Variants in MATR3 observed in about 807,000 individuals in gnomAD.
MATR3 encodes matrin-3.
Under a neutral mutation model 85.5 loss-of-function variants are expected in MATR3, and 4 were observed. The ratio of observed to expected loss-of-function variants is 0.05; its 90% CI spans 0.02 to 0.11. MATR3 has a LOEUF of 0.11. Among genes scored for constraint, MATR3 ranks in the 10% least tolerant of loss-of-function variants. The pLI is 1.00. For missense variants in MATR3, 685 were observed against 1,016.1 expected, an observed-to-expected ratio of 0.67 and a Z score of 4.43; for synonymous variants, 336 against 343.1, an observed-to-expected ratio of 0.98 and a Z score of 0.23.
In MATR3 at chr5:139,331,148, C is replaced by A. The variant is rs1265230611; in HGVS notation, c.*1753C>A. The A allele has an allele frequency of 2.2e-6, 1 of 453,966 alleles. No individual in the cohort carries two copies. The highest frequency in any genetic ancestry group is 4.4e-6 in the Non-Finnish European group (1 of 226,778). The allele number at this position is 453,966 out of a possible 1,614,324, so 28.1% of individuals were successfully genotyped here. On this transcript the variant is annotated 3_prime_UTR_variant, in exon 15 of 15. Transcript: ENST00000394805. ...CAAAAACAGGATAGGCATTGTCTTT[C>A]AAATGTTCAGACCCCAGTTTATTAA... is the stretch of plus-strand genomic sequence containing the variant.
chr5:139,275,248 C>T (rs562232017), intron 1 of MATR3, among the ~76,000 whole-genome samples: 1 of 148,644 alleles, frequency 6.7e-6, no homozygotes, highest in Non-Finnish European at 1.5e-5. Context: ...CCGCCAGCCT[C>T]AGCCTCCCAA....
intron 3 of MATR3, among the ~76,000 whole-genome samples, chr5:139,284,350 T>C (rs1753635329): frequency 1.3e-5 from 2 of 152,146 alleles, no homozygotes; most frequent in Admixed American, 1.3e-4. Context: ...CGGTTGCCTA[T>C]AATCCCAACA....
At chr5:139,280,984 T>G (rs1394881403) in intron 3 of MATR3, among the ~76,000 whole-genome samples, 1 of 151,572 alleles carries the variant, frequency 6.6e-6, no homozygotes, top group Non-Finnish European at 1.5e-5. Flanking sequence ...CAAAGAAATA[T>G]ATTTCCTGGT....
intron 3 of MATR3, among the ~76,000 whole-genome samples, chr5:139,286,310 C>G (rs1489632268): frequency 1.3e-5 from 2 of 151,958 alleles, no homozygotes; most frequent in Non-Finnish European, 2.9e-5. Flanking sequence ...TTGTCTCTAG[C>G]TGCAAGATCA....
At chr5:139,305,159 G>C (rs1362564944) in intron 1 of MATR3, among the ~76,000 whole-genome samples, 1 of 152,106 alleles carries the variant, frequency 6.6e-6, no homozygotes, top group Non-Finnish European at 1.5e-5. Flanking sequence ...GTTGTCATGG[G>C]ATTTACATTG....
At position 139,316,214 on chromosome 5, in the gene MATR3, T is replaced by C. The variant is rs184138371; in HGVS notation, c.1129+26T>C. 2.2e-5 allele frequency: 34 copies of C among 1,520,746 alleles called. No homozygotes were observed. In the East Asian group the frequency reaches 7.2e-4, roughly 32 times the overall value. The allele number at this position is 1,520,746 out of a possible 1,614,324, so 94.2% of individuals were successfully genotyped here. ...GTAATTATATAAAATTCATGTTACT[T>C]TTCCCTACAGAGCCGTTACTGAAAA... On this transcript the variant is annotated intron_variant, in intron 5 of 14. Coordinates refer to ENST00000394805, the MANE Select transcript of MATR3 (RefSeq NM_018834.6).
At chr5:139,298,396 AC>A (rs1309596359) in intron 1 of MATR3, among the ~76,000 whole-genome samples, 1 of 151,904 alleles carries the variant, frequency 6.6e-6, no homozygotes, top group Non-Finnish European at 1.5e-5. Flanking sequence ...CATACGGAAA[AC>A]CCCGTCTCTA....
chr5:139,318,879 CAG>C (rs760246185), intron 7 of MATR3, 27 bp from the exon 8 acceptor site: 10 of 1,612,710 alleles, frequency 6.2e-6, no homozygotes, highest in Admixed American at 5.0e-5. Flanking sequence ...TTGGAAAAAA[CAG>C]AGAAATAACT....
In MATR3 at chr5:139,315,754, T is replaced by A; in HGVS notation, c.1016+16T>A. On this transcript the variant is annotated intron_variant, in intron 4 of 14. Transcript: ENST00000394805. ...GACACACAATGTAAGTTAAATTTTT[T>A]AAGCTACCATTTGTAAAGGAGATCA... is the stretch of plus-strand genomic sequence containing the variant. 1 of 1,588,732 alleles carries A rather than the reference T, an allele frequency of 6.3e-7. No individual in the cohort carries two copies. Among genetic ancestry groups the A allele is most frequent in the African/African-American group, 1.3e-5 (1 of 74,546 alleles).
chr5:139,279,550 C>T, intron 3 of MATR3: 1 of 179,402 alleles, frequency 5.6e-6, no homozygotes, highest in Non-Finnish European at 1.2e-5. Flanking sequence ...GTCTCCCAGG[C>T]TGGAGTGCAA....
At chr5:139,293,678 T>G, upstream of MATR3, 22 of 256,978 alleles carry the variant, frequency 8.6e-5, no homozygotes, top group Admixed American at 1.1e-4. Context: ...GAGAGTGGGT[T>G]TGTTCTTGGG....
At chr5:139,276,389 CT>C in intron 2 of MATR3, 1 of 354,658 alleles carries the variant, frequency 2.8e-6, no homozygotes, top group South Asian at 2.1e-5. Flanking sequence ...TAAGAATTGT[CT>C]TGGGCCATAC....
chr5:139,280,970 T>A (rs79212840), intron 3 of MATR3, among the ~76,000 whole-genome samples: 2 of 152,112 alleles, frequency 1.3e-5, no homozygotes, highest in African/African-American at 4.8e-5. Context: ...TTTTTTTTTT[T>A]AAGCAAAGAA....
rs756907876 is a variant in MATR3, at chr5:139,322,995, A to G, written c.2148+28A>G. Reference sequence around the variant, plus strand: ...AAAGAAAGATACATTGATTTGTTTTAATAGAACATTAGATCAGATCAGTAT... The same window carrying G: ...AAAGAAAGATACATTGATTTGTTTTGATAGAACATTAGATCAGATCAGTAT... On this transcript the variant is annotated intron_variant, in intron 12 of 14. Coordinates refer to ENST00000394805, the MANE Select transcript of MATR3 (RefSeq NM_018834.6). 9 of 1,554,466 alleles carry G rather than the reference A, an allele frequency of 5.8e-6. No individual in the cohort carries two copies. The South Asian group carries it at 5.8e-5, about 10-fold the overall frequency.
intron 3 of MATR3, among the ~76,000 whole-genome samples, chr5:139,287,561 G>A (rs913973900): frequency 1.3e-4 from 20 of 152,080 alleles, no homozygotes; most frequent in African/African-American, 3.9e-4. Flanking sequence ...GGAGGTTGCC[G>A]TGAGCCAAGA....
At chr5:139,300,753 C>T (rs1287963949) in intron 1 of MATR3, among the ~76,000 whole-genome samples, 3 of 152,196 alleles carry the variant, frequency 2.0e-5, no homozygotes, top group South Asian at 4.1e-4. Context: ...AGTGATTCTT[C>T]TGCCTCAGCC....
At chr5:139,294,755 C>T (rs942818280) in intron 1 of MATR3, 1 of 152,148 alleles carries the variant, frequency 6.6e-6, no homozygotes, top group South Asian at 2.1e-4. Flanking sequence ...TTTGGAGTAC[C>T]GTGGTGTAGT....
At chr5:139,302,259 G>T (rs774217289) in intron 1 of MATR3, among the ~76,000 whole-genome samples, 3 of 152,014 alleles carry the variant, frequency 2.0e-5, no homozygotes, top group Non-Finnish European at 2.9e-5. Context: ...ACTGCGCCTG[G>T]CCTATTTTAA....
Position 139,321,999 on chromosome 5 carries a change from G to C in MATR3, c.1704G>C (p.Leu568=). ...WFQGRCVKVD[L]SEKYKKLVLR... ...AGGGGAGATGTGTGAAGGTTGACCT[G>C]TCTGAGAAATATAAAAAACTGGTTC... The change falls in exon 10 of 15, where the codon CTG becomes CTC. Residue 568 remains leucine, a synonymous_variant. Transcript: ENST00000394805. The C allele has an allele frequency of 6.2e-7, 1 of 1,614,040 alleles. No individual in the cohort carries two copies. Among genetic ancestry groups the C allele is most frequent in the Non-Finnish European group, 8.5e-7 (1 of 1,179,984 alleles).
Sources: gnomAD v4.1 joint callset for allele counts (sites outside exome capture counted in the v4.1 genomes callset) on GRCh38, gnomAD v4.1.1 for gene constraint, MANE v1.5 for transcripts, NCBI Gene and HGNC (gene_info 2026-07-23, HGNC 2026-07-21) for gene names.